ZNF497: variants seen among roughly 807,000 people sequenced by gnomAD.
The protein encoded by ZNF497 is zinc finger protein 497, also known as zinc finger-like protein.
For synonymous variants in ZNF497, 422 were observed against 313.7 expected, an observed-to-expected ratio of 1.35 and a Z score of -3.65; for missense variants, 930 against 714.0, an observed-to-expected ratio of 1.30 and a Z score of -3.45.
At position 58,359,072 on chromosome 19, in the gene ZNF497, T is replaced by TCAGG. The variant is rs1436816558; in HGVS notation, c.-111-491_-111-488dup. 7 of 700,444 alleles carry TCAGG rather than the reference T, an allele frequency of 1.0e-5. No homozygotes were observed. In the African/African-American group the frequency reaches 1.3e-4, roughly 13 times the overall value. The allele number at this position is 700,444 out of a possible 1,614,324, so 43.4% of individuals were successfully genotyped here. A position where few individuals can be genotyped will look rare whatever the true frequency, so the allele number is the denominator to read the frequency against. On this transcript the variant is annotated intron_variant, in intron 1 of 2. Transcript: ENST00000311044. ...CAGCATCTGCTCCTTGGAGCAGGCC[T>TCAGG]CAGGCATCAGCCACTGGCAACACAG...
Position 58,356,714 on chromosome 19 carries a change from C to T in ZNF497, c.922G>A (p.Gly308Arg). Residue 308 changes from glycine to arginine, a missense_variant, in exon 3 of 3, where the codon GGA (glycine) becomes AGA (arginine). Gly to Arg is a moderately radical substitution (Grantham distance 125). Coordinates refer to ENST00000311044, the MANE Select transcript of ZNF497 (RefSeq NM_198458.3). ...SEKPFPCAECGKAFRESSQLL... is the reference protein window; with the variant it reads ...SEKPFPCAECRKAFRESSQLL... ...TGCGAGCTCTCGCGGAAAGCCTTTC[C>T]GCACTCGGCGCAGGGGAAGGGCTTC... is the stretch of plus-strand genomic sequence containing the variant. The T allele has an allele frequency of 6.4e-7, 1 of 1,568,524 alleles. No individual in the cohort carries two copies.
chr19:58,356,137 G>C lies in ZNF497; in HGVS notation c.*2C>G, dbSNP rs1568557021. The C allele has an allele frequency of 6.5e-7, 1 of 1,547,120 alleles. No homozygotes were observed. Among genetic ancestry groups the C allele is most frequent in the African/African-American group, 1.4e-5 (1 of 73,146 alleles). ...CGACCTCCCGCTCAGGGCGTCCTCG[G>C]GTCAGGGCGCAGCGCGGCCCCCGTG... On this transcript the variant is annotated 3_prime_UTR_variant, in exon 3 of 3. Transcript: ENST00000311044.
At chr19:58,358,386 G>A in intron 2 of ZNF497, 103 bp downstream of exon 2, 1 of 1,175,740 alleles carries the variant, frequency 8.5e-7, no homozygotes. Flanking sequence ...TCTACAGCGA[G>A]CAAAACCCAT....
At position 58,356,225 on chromosome 19, in the gene ZNF497, C is replaced by A. The variant is rs1568557173; in HGVS notation, c.1411G>T (p.Ala471Ser). ...RRTHTGERPY[A>S]CGECGKPFSH... The stretch of plus-strand genomic sequence containing the variant: ...AAAGGCTTCCCGCACTCGCCGCAAG[C>A]GTAGGGCCTCTCGCCCGTGTGCGTG... The change falls in exon 3 of 3, where the codon GCT becomes TCT. Residue 471 changes from alanine (A) to serine (S), a missense_variant. Physicochemically the swap from Ala to Ser is moderately conservative, Grantham distance 99. Transcript: ENST00000311044. 1 of 1,606,850 alleles carries A rather than the reference C, an allele frequency of 6.2e-7. No individual in the cohort carries two copies. Among genetic ancestry groups the A allele is most frequent in the East Asian group, 2.2e-5 (1 of 44,714 alleles).
chr19:58,357,370 TCGCTCCTGGGCCCAGCCC>T lies in ZNF497; in HGVS notation c.248_265del (p.Gly83_Ser88del). 6.3e-7 allele frequency: 1 copy of T among 1,593,756 alleles called. No homozygotes were observed. ...AGGGCGCAACGCCCGGTCTGCAGGC[TCGCTCCTGGGCCCAGCCC>T]CGTCCCGCCCACCGTCTGCGGGGCC... On this transcript the variant is annotated inframe_deletion, in exon 3 of 3. Coordinates refer to ENST00000311044, the MANE Select transcript of ZNF497 (RefSeq NM_198458.3).
chr19:58,360,942 C>T (rs1193433635), intron 1 of ZNF497, among the ~76,000 whole-genome samples: 3 of 151,814 alleles, frequency 2.0e-5, no homozygotes, highest in African/African-American at 4.8e-5. Context: ...CCACCATGCC[C>T]GGCTAATTTT....
chr19:58,357,864 G>T, intron 2 of ZNF497: 1 of 1,322,452 alleles, frequency 7.6e-7, no homozygotes, highest in Non-Finnish European at 9.8e-7. Context: ...GCCTGACAGG[G>T]CCACGTGCAC....
Position 58,355,893 on chromosome 19 carries a change from G to A in ZNF497, c.*246C>T. 2.1e-6 allele frequency: 1 copy of A among 473,632 alleles called. No individual in the cohort carries two copies. Among genetic ancestry groups the A allele is most frequent in the Non-Finnish European group, 3.7e-6 (1 of 272,692 alleles). 29.3% of individuals were successfully genotyped at this position (473,632 alleles called of 1,614,324 possible). ...TGGACGAACCTCTCGCCGAAGTGGA[G>A]CCTGCCGCCCTCCCTGGGGTAAGAG... is the stretch of plus-strand genomic sequence containing the variant. On this transcript the variant is annotated 3_prime_UTR_variant, in exon 3 of 3. Transcript: ENST00000311044.
chr19:58,356,884 C>G lies in ZNF497; in HGVS notation c.752G>C (p.Cys251Ser). The change falls in exon 3 of 3, where the codon TGT (cysteine) becomes TCT (serine). Residue 251 changes from cysteine to serine, a missense_variant. By Grantham distance (112) the Cys-to-Ser change is moderately radical. Transcript: ENST00000311044. ...TGARPHACRD[C>S]GKAFSQSSNL... ...GGAGCTCTGGCTGAAGGCCTTGCCA[C>G]AGTCCCGGCAGGCGTGCGGCCGCGC... is the stretch of plus-strand genomic sequence containing the variant. The G allele has an allele frequency of 1.3e-6, 2 of 1,594,168 alleles. No individual in the cohort carries two copies. Among genetic ancestry groups the G allele is most frequent in the South Asian group, 2.2e-5 (2 of 90,022 alleles).
chr19:58,362,588 C>G (rs1357960874), intron 1 of ZNF497, 89 bp downstream of exon 1: 1 of 152,140 alleles, frequency 6.6e-6, no homozygotes, highest in Non-Finnish European at 1.5e-5. Flanking sequence ...AGCTCAGGGC[C>G]GAGGCCCGTC....
At chr19:58,359,298 C>T (rs763804032) in intron 1 of ZNF497, 19 of 1,279,230 alleles carry the variant, frequency 1.5e-5, no homozygotes, top group Non-Finnish European at 1.9e-5. Context: ...AGTGCAGCTG[C>T]ATGGCCCAGG....
At chr19:58,359,125 G>C (rs1382796767) in intron 1 of ZNF497, 1 of 1,211,758 alleles carries the variant, frequency 8.3e-7, no homozygotes, top group African/African-American at 1.6e-5. Flanking sequence ...GGGCCCCTCG[G>C]GGCCCTGCTG....
chr19:58,360,767 C>CTTTTTTTTTTTTTTT (rs551580074), intron 1 of ZNF497, among the ~76,000 whole-genome samples: 1 of 34,476 alleles, frequency 2.9e-5, no homozygotes, highest in Non-Finnish European at 5.2e-5. Context: ...GTCCCGAACT[C>CTTTTTTTTTTTTTTT]TTTTTTTTTT....
At position 58,356,289 on chromosome 19, in the gene ZNF497, C is replaced by T; in HGVS notation, c.1347G>A (p.Lys449=). ...AGAGCTCCGACTTGCGCACGAAGGC[C>T]TTGCTGCAGTGGGCGCAGACGAACG... ...ERPFVCAHCS[K]AFVRKSELLS... The change falls in exon 3 of 3, where the codon AAG becomes AAA. Residue 449 remains lysine, a synonymous_variant. Transcript: ENST00000311044. 1 of 1,595,336 alleles carries T rather than the reference C, an allele frequency of 6.3e-7. No individual in the cohort carries two copies. Among genetic ancestry groups the T allele is most frequent in the South Asian group, 1.1e-5 (1 of 89,218 alleles).
At position 58,356,657 on chromosome 19, in the gene ZNF497, C is replaced by T; in HGVS notation, c.979G>A (p.Glu327Lys). The change falls in exon 3 of 3, where the codon GAG becomes AAG. Residue 327 changes from glutamate to lysine, a missense_variant. Physicochemically the swap from Glu to Lys is moderately conservative, Grantham distance 56 (BLOSUM62 1). Transcript: ENST00000311044. The stretch of plus-strand genomic sequence containing the variant: ...CACTCGGCGCACTCGAAGGGCCGCT[C>T]ACCAGTGTGCGTGCGCTGGTGCTGC... ...LLQHQRTHTG[E>K]RPFECAECGQ... 2 of 1,549,330 alleles carry T rather than the reference C, an allele frequency of 1.3e-6. No individual in the cohort carries two copies. Among genetic ancestry groups the T allele is most frequent in the Non-Finnish European group, 8.7e-7 (1 of 1,152,916 alleles).
At chr19:58,362,175 C>T (rs754105055) in intron 1 of ZNF497, among the ~76,000 whole-genome samples, 8 of 152,190 alleles carry the variant, frequency 5.3e-5, no homozygotes, top group Non-Finnish European at 7.3e-5. Context: ...TTGTGTCTCC[C>T]CCACAACCCC....
Position 58,357,411 on chromosome 19 carries a change from G to A in ZNF497, c.225C>T (p.Gly75=). ...DEQGGPGREL[G]PADGGRDGAG... ...CCCCGTCCCGCCCACCGTCTGCGGG[G>A]CCCAGCTCCCTGCCGGGGCCTCCCT... The change falls in exon 3 of 3, where the codon GGC becomes GGT. Residue 75 remains glycine, a synonymous_variant. Transcript: ENST00000311044. 1.3e-6 allele frequency: 2 copies of A among 1,599,120 alleles called. No individual in the cohort carries two copies. The highest frequency in any genetic ancestry group is 2.7e-5 in the African/African-American group (2 of 74,690).
Position 58,355,972 on chromosome 19 carries a change from G to A in ZNF497, c.*167C>T. 1 of 738,768 alleles carries A rather than the reference G, an allele frequency of 1.4e-6. No individual in the cohort carries two copies. Among genetic ancestry groups the A allele is most frequent in the Non-Finnish European group, 2.1e-6 (1 of 479,948 alleles). The allele number at this position is 738,768 out of a possible 1,614,324, so 45.8% of individuals were successfully genotyped here. A position where few individuals can be genotyped will look rare whatever the true frequency, so the allele number is the denominator to read the frequency against. ...GGGTGGCCGGTGGACTATCGTCAAA[G>A]GGACTGTGCAGCCAGGGTTCTCCAC... On this transcript the variant is annotated 3_prime_UTR_variant, in exon 3 of 3. Transcript: ENST00000311044.
rs370166350 is a variant in ZNF497, at chr19:58,356,836, A to C, written c.800T>G (p.Ile267Ser). 5.1e-6 allele frequency: 8 copies of C among 1,565,150 alleles called. No individual in the cohort carries two copies. Among genetic ancestry groups the C allele is most frequent in the Non-Finnish European group, 6.0e-6 (7 of 1,163,168 alleles). ...QSSNLAEHLK[I>S]HAGARPHACP... ...GGCGTGTGGCCGTGCGCCCGCGTGG[A>C]TCTTCAGGTGCTCGGCCAGGTTGGA... Residue 267 changes from isoleucine (I) to serine (S), a missense_variant, in exon 3 of 3, where the codon ATC (isoleucine) becomes AGC (serine). Ile to Ser is a moderately radical substitution (Grantham distance 142). Coordinates refer to ENST00000311044, the MANE Select transcript of ZNF497 (RefSeq NM_198458.3).
Sources: gnomAD v4.1 joint callset for allele counts (sites outside exome capture counted in the v4.1 genomes callset) on GRCh38, gnomAD v4.1.1 for gene constraint, MANE v1.5 for transcripts, NCBI Gene and HGNC (gene_info 2026-07-23, HGNC 2026-07-21) for gene names.